ITSN2: variants seen among roughly 807,000 people sequenced by gnomAD.
The protein encoded by ITSN2 is intersectin-2.
ITSN2 carries 156 observed loss-of-function variants against 243.7 expected under a neutral mutation model. The observed-to-expected ratio is 0.64, with a 90% CI of 0.56 to 0.73. ITSN2 has a LOEUF of 0.73. ITSN2 is among the 30% of genes least tolerant of loss of function. The pLI is 0.00. For missense variants in ITSN2, 1,801 were observed against 1,996.1 expected (o/e 0.90, Z 1.86); for synonymous variants, 703 against 699.9 (o/e 1.00, Z -0.07).
At chr2:24,215,496 G>C (rs762501453) in intron 32 of ITSN2, among the ~76,000 whole-genome samples, 1 of 151,840 alleles carries the variant, frequency 6.6e-6, no homozygotes, top group South Asian at 2.1e-4. Context: ...GTGAAACCCC[G>C]TCTCTACTAA....
At position 24,308,688 on chromosome 2, in the gene ITSN2, G is replaced by C; in HGVS notation, c.722C>G (p.Pro241Arg). The C allele has an allele frequency of 6.5e-7, 1 of 1,532,576 alleles. No individual in the cohort carries two copies. Among genetic ancestry groups the C allele is most frequent in the Non-Finnish European group, 8.8e-7 (1 of 1,132,244 alleles). The allele number at this position is 1,532,576 out of a possible 1,614,324, so 94.9% of individuals were successfully genotyped here. A position where few individuals can be genotyped will look rare whatever the true frequency, so the allele number is the denominator to read the frequency against. The stretch of plus-strand genomic sequence containing the variant: ...CCGATATTTTAATCTTGTAGGCTGA[G>C]GAACTGCCCACTCTGAGGTCCCAGT... Reference protein sequence around the residue: ...PKTGTSEWAVPQPTRLKYRQK... With the variant: ...PKTGTSEWAVRQPTRLKYRQK... Residue 241 changes from proline to arginine, a missense_variant, in exon 8 of 40, where the codon CCT (proline) becomes CGT (arginine). Coordinates refer to ENST00000355123, the MANE Select transcript of ITSN2 (RefSeq NM_006277.3).
At chr2:24,213,728 C>G (rs1157013550) in intron 32 of ITSN2, among the ~76,000 whole-genome samples, 1 of 152,182 alleles carries the variant, frequency 6.6e-6, no homozygotes, top group Non-Finnish European at 1.5e-5. Context: ...TATTTTAAAA[C>G]ATGCACATAT....
intron 1 of ITSN2, among the ~76,000 whole-genome samples, chr2:24,332,125 C>T (rs1384341110): frequency 6.6e-6 from 1 of 152,166 alleles, no homozygotes; most frequent in African/African-American, 2.4e-5. Context: ...GCCTGTAATC[C>T]CAGCTACTTG....
chr2:24,323,056 A>C (rs80122023), intron 2 of ITSN2, among the ~76,000 whole-genome samples: 1 of 152,022 alleles, frequency 6.6e-6, no homozygotes, highest in Non-Finnish European at 1.5e-5. Flanking sequence ...AAAAAAAAAA[A>C]CAACACGGAG....
chr2:24,343,304 T>C (rs1050212858), intron 1 of ITSN2, among the ~76,000 whole-genome samples: 2 of 152,168 alleles, frequency 1.3e-5, no homozygotes, highest in African/African-American at 2.4e-5. Flanking sequence ...TTTGAATAGA[T>C]TGTTCCAGAT....
rs1209660424 is a variant in ITSN2, at chr2:24,310,682, G to A, written c.363C>T (p.Ser121=). 6.2e-7 allele frequency: 1 copy of A among 1,613,578 alleles called. No homozygotes were observed. Among genetic ancestry groups the A allele is most frequent in the Non-Finnish European group, 8.5e-7 (1 of 1,179,692 alleles). Residue 121 remains serine, a synonymous_variant, in exon 6 of 40, where the codon AGC becomes AGT. Coordinates refer to ENST00000355123, the MANE Select transcript of ITSN2 (RefSeq NM_006277.3). ...GCTGAGGAATGGACAGATTGGGCAT[G>A]CTTCCCATTCCTAAAGTCAAAAGAA... is the stretch of plus-strand genomic sequence containing the variant. ...PLISARFGMG[S]MPNLSIPQPL... is the part of the protein sequence containing the mutation.
At position 24,220,985 on chromosome 2, in the gene ITSN2, G is replaced by A. The variant is rs1670397180; in HGVS notation, c.3659C>T (p.Thr1220Ile). 6.2e-7 allele frequency: 1 copy of A among 1,609,648 alleles called. No individual in the cohort carries two copies. Among genetic ancestry groups the A allele is most frequent in the Non-Finnish European group, 8.5e-7 (1 of 1,178,418 alleles). ...AAGGTCAGCCATGTACCGCTCTTCG[G>A]TCTGAATCAGCTCATGAATATAGCC... is the stretch of plus-strand genomic sequence containing the variant. ...RQGYIHELIQTEERYMADLQL... is the reference protein window; with the variant it reads ...RQGYIHELIQIEERYMADLQL... The change falls in exon 30 of 40, where the codon ACC becomes ATC. Residue 1220 changes from threonine to isoleucine, a missense_variant. Thr to Ile is a moderately conservative substitution (Grantham distance 89, BLOSUM62 -1). Transcript: ENST00000355123.
intron 34 of ITSN2, 111 bp downstream of exon 34, chr2:24,210,669 A>G: frequency 1.4e-6 from 1 of 736,020 alleles, no homozygotes; most frequent in South Asian, 2.3e-5. Flanking sequence ...CAGGGTGGTG[A>G]GTCCACGCAG....
chr2:24,214,306 T>C (rs1315362136), intron 32 of ITSN2: 1 of 152,200 alleles, frequency 6.6e-6, no homozygotes, highest in Non-Finnish European at 1.5e-5. Flanking sequence ...ATGAATTAGG[T>C]GACCTTTTTA....
intron 28 of ITSN2, 46 bp from the exon 29 acceptor site, chr2:24,246,366 C>CCTG: frequency 6.2e-6 from 7 of 1,128,984 alleles, no homozygotes; most frequent in Non-Finnish European, 9.0e-6. Context: ...ATTAATTATT[C>CCTG]CTGCAAGGGT....
intron 1 of ITSN2, among the ~76,000 whole-genome samples, chr2:24,352,709 T>C (rs144991045): frequency 6.6e-6 from 1 of 152,240 alleles, no homozygotes; most frequent in East Asian, 1.9e-4. Context: ...AATAGCAAAC[T>C]AATACTGAAG....
chr2:24,283,682 G>T (rs115300031), intron 17 of ITSN2, among the ~76,000 whole-genome samples: 2,985 of 152,260 alleles, frequency 0.02, 87 homozygotes, highest in African/African-American at 0.067. Context: ...TCTGATGAAA[G>T]TATCAATAAG....
At chr2:24,302,187 T>G in intron 9 of ITSN2, 85 bp from the exon 10 acceptor site, 3 of 540,324 alleles carry the variant, frequency 5.6e-6, no homozygotes, top group Non-Finnish European at 2.8e-6. Context: ...TATTTTACTT[T>G]TATTTATTTA....
chr2:24,295,555 C>T (rs1385110071), intron 14 of ITSN2, 109 bp downstream of exon 14: 8 of 780,248 alleles, frequency 1.0e-5, no homozygotes, highest in Middle Eastern at 2.5e-4. Flanking sequence ...GGGATCCACC[C>T]GCCTCAGCCT....
chr2:24,220,996 C>A lies in ITSN2; in HGVS notation c.3648G>T (p.Glu1216Asp). 1 of 1,610,320 alleles carries A rather than the reference C, an allele frequency of 6.2e-7. No individual in the cohort carries two copies. The highest frequency in any genetic ancestry group is 8.5e-7 in the Non-Finnish European group (1 of 1,178,662). ...IERKRQGYIH[E>D]LIQTEERYMA... ...TGTACCGCTCTTCGGTCTGAATCAG[C>A]TCATGAATATAGCCCTGTCTTTTCC... Residue 1216 changes from glutamate (E) to aspartate (D), a missense_variant, in exon 30 of 40, where the codon GAG becomes GAT. Transcript: ENST00000355123.
At chr2:24,216,702 A>G (rs574869384) in intron 31 of ITSN2, among the ~76,000 whole-genome samples, 1 of 152,138 alleles carries the variant, frequency 6.6e-6, no homozygotes, top group East Asian at 1.9e-4. Context: ...GGGTGCAGTG[A>G]GCTACGATCA....
intron 1 of ITSN2, among the ~76,000 whole-genome samples, chr2:24,341,476 A>G (rs1687041616): frequency 6.6e-6 from 1 of 152,224 alleles, no homozygotes; most frequent in South Asian, 2.1e-4. Flanking sequence ...GTATTGTCAC[A>G]GAAGTTAAGA....
intron 1 of ITSN2, among the ~76,000 whole-genome samples, chr2:24,337,341 T>TATATATATATATAC (rs1686549540): frequency 2.0e-4 from 23 of 117,252 alleles, no homozygotes; most frequent in Non-Finnish European, 3.4e-4. Context: ...TATATATATA[T>TATATATATATATAC]ATATATATAT....
Position 24,204,347 on chromosome 2 carries a change from G to A in ITSN2, c.4834C>T (p.Leu1612Phe), listed in dbSNP as rs748988658. Residue 1612 changes from leucine (L) to phenylalanine (F), a missense_variant, in exon 39 of 40, where the codon CTC becomes TTC. By Grantham distance (22) the Leu-to-Phe change is conservative. This residue lies in a region of ITSN2 where 928 missense variants were observed against 1,065.4 expected (regional missense o/e 0.87). Transcript: ENST00000355123. This position sits in a 1 kb window ranked among gnomAD's most constrained non-coding sequence, Gnocchi z 5.1. Reference sequence around the variant, plus strand: ...CAGTTAAAATTCCACTTGGGATTGAGTGTGTCCTGGATGGTCCTGGTGGTG... The same window carrying A: ...CAGTTAAAATTCCACTTGGGATTGAATGTGTCCTGGATGGTCCTGGTGGTG... ...SYTTRTIQDT[L>F]NPKWNFNCQF... 3.7e-6 allele frequency: 6 copies of A among 1,614,016 alleles called. No individual in the cohort carries two copies. The African/African-American group carries it at 5.3e-5, about 14-fold the overall frequency.
Sources: allele counts gnomAD v4.1 joint callset (sites outside exome capture counted in the v4.1 genomes callset), GRCh38; gene constraint gnomAD v4.1.1; regional missense constraint gnomAD v4.1.1; non-coding constraint Gnocchi (gnomAD v3.1); transcripts MANE v1.5; gene names NCBI Gene and HGNC (gene_info 2026-07-23, HGNC 2026-07-21).